Variants in SOBP observed in about 807,000 individuals in gnomAD.
SOBP encodes the protein sine oculis binding protein homolog, also known as sine oculis-binding protein homolog.
SOBP carries 4 observed loss-of-function variants against 53.6 expected under a neutral mutation model. That is an observed-to-expected ratio of 0.07 (90% CI 0.04 to 0.17). SOBP has a LOEUF of 0.17. Ranked by LOEUF, SOBP falls within the 10% of genes least tolerant of loss-of-function variation. The pLI is 1.00. For synonymous variants in SOBP, 584 were observed against 522.6 expected, an observed-to-expected ratio of 1.12 and a Z score of -1.60; for missense variants, 1,088 against 1,204.7, an observed-to-expected ratio of 0.90 and a Z score of 1.43.
At chr6:107,552,227 T>C (rs900102787) in intron 4 of SOBP, among the ~76,000 whole-genome samples, 2 of 152,220 alleles carry the variant, frequency 1.3e-5, no homozygotes, top group Non-Finnish European at 2.9e-5. Context: ...TATGCTCAAC[T>C]TTCATTGTGG....
At chr6:107,582,646 T>G (rs944072115) in intron 4 of SOBP, among the ~76,000 whole-genome samples, 1 of 152,044 alleles carries the variant, frequency 6.6e-6, no homozygotes, top group Non-Finnish European at 1.5e-5. Flanking sequence ...AAAAAAATAG[T>G]CTCCCATTTG....
rs1449934126 is a variant in SOBP, at chr6:107,554,681, T to C, written c.573+21071T>C. Among the ~76,000 whole-genome samples, 5 of 152,204 alleles carry C rather than the reference T, an allele frequency of 3.3e-5. No individual in the cohort carries two copies. The East Asian group carries it at 9.6e-4, about 29-fold the overall frequency. On this transcript the variant is annotated intron_variant, in intron 4 of 6. Transcript: ENST00000317357. Reference sequence around the variant, plus strand: ...CACAAAGGACACAGAGTGGGTTTGGTGGGTCATTGTGGCATTTGTCAAGGA... The same window carrying C: ...CACAAAGGACACAGAGTGGGTTTGGCGGGTCATTGTGGCATTTGTCAAGGA...
chr6:107,580,570 C>T (rs1030339743), intron 4 of SOBP, among the ~76,000 whole-genome samples: 2 of 152,140 alleles, frequency 1.3e-5, no homozygotes, highest in African/African-American at 4.8e-5. Context: ...CTCAGACAGA[C>T]CTGGGACTCT....
chr6:107,630,811 AACTGTC>A (rs1770685600), intron 5 of SOBP, among the ~76,000 whole-genome samples: 1 of 151,118 alleles, frequency 6.6e-6, no homozygotes, highest in African/African-American at 2.4e-5. Flanking sequence ...GATAGTCATG[AACTGTC>A]ACACTACTAC....
At chr6:107,512,648 A>G (rs1261185495) in intron 3 of SOBP, among the ~76,000 whole-genome samples, 2 of 152,240 alleles carry the variant, frequency 1.3e-5, no homozygotes, top group Admixed American at 6.5e-5. Flanking sequence ...TAGCCAGGGT[A>G]GACCCTGGCC....
chr6:107,526,780 GTC>G (rs1184238896), intron 3 of SOBP, among the ~76,000 whole-genome samples: 1 of 152,164 alleles, frequency 6.6e-6, no homozygotes, highest in Non-Finnish European at 1.5e-5. Context: ...TAATTTTAAA[GTC>G]TGTCATTTTT....
chr6:107,598,629 C>T (rs1786037359), intron 5 of SOBP, among the ~76,000 whole-genome samples: 1 of 152,078 alleles, frequency 6.6e-6, no homozygotes, highest in South Asian at 2.1e-4. Flanking sequence ...CTGTTAGGTA[C>T]CTGAGCCAGG....
chr6:107,581,253 T>G (rs1440093715), intron 4 of SOBP, among the ~76,000 whole-genome samples: 1 of 152,164 alleles, frequency 6.6e-6, no homozygotes, highest in Non-Finnish European at 1.5e-5. Flanking sequence ...ACTGATGGCT[T>G]CCTAAAGGAG....
chr6:107,642,001 A>G (rs1272874237), intron 6 of SOBP, among the ~76,000 whole-genome samples: 6 of 152,206 alleles, frequency 3.9e-5, no homozygotes, highest in Admixed American at 1.3e-4. Context: ...AGCACTTTCT[A>G]TGTGGATGGA....
At chr6:107,501,535 A>G (rs1476729554) in intron 1 of SOBP, among the ~76,000 whole-genome samples, 1 of 152,260 alleles carries the variant, frequency 6.6e-6, no homozygotes, top group Admixed American at 6.5e-5. Context: ...AGATTGGGGC[A>G]GATGGCACAC....
intron 4 of SOBP, among the ~76,000 whole-genome samples, chr6:107,584,557 G>C (rs1270321762): frequency 6.6e-6 from 1 of 152,168 alleles, no homozygotes; most frequent in Non-Finnish European, 1.5e-5. Flanking sequence ...GGACTCTGGA[G>C]TCAGGGTGGG....
chr6:107,647,221 C>T (rs1771597050), intron 6 of SOBP, among the ~76,000 whole-genome samples: 1 of 151,956 alleles, frequency 6.6e-6, no homozygotes, highest in African/African-American at 2.4e-5. Flanking sequence ...TGCTACATAC[C>T]AACAATGCAT....
intron 5 of SOBP, among the ~76,000 whole-genome samples, chr6:107,618,169 G>C (rs73762287): frequency 0.041 from 6,171 of 152,160 alleles, 303 homozygotes; most frequent in East Asian, 0.14. Context: ...GCCCTTTTTA[G>C]TCAAATTAAT....
At chr6:107,559,067 A>G (rs972384634) in intron 4 of SOBP, among the ~76,000 whole-genome samples, 2 of 152,180 alleles carry the variant, frequency 1.3e-5, no homozygotes, top group Non-Finnish European at 1.5e-5. Flanking sequence ...AAATTTCTTG[A>G]TAAGTATTTG....
intron 4 of SOBP, among the ~76,000 whole-genome samples, chr6:107,539,715 C>T (rs1784099915): frequency 6.6e-6 from 1 of 152,192 alleles, no homozygotes. Context: ...AACAAATGAT[C>T]AGGAAGGGAT....
chr6:107,617,535 G>A (rs976329370), intron 5 of SOBP, among the ~76,000 whole-genome samples: 4 of 152,150 alleles, frequency 2.6e-5, no homozygotes, highest in Admixed American at 6.5e-5. Flanking sequence ...CGTTTACTGC[G>A]TATCAAGCTG....
intron 6 of SOBP, among the ~76,000 whole-genome samples, chr6:107,642,162 T>C (rs902904919): frequency 6.6e-6 from 1 of 152,076 alleles, no homozygotes; most frequent in Non-Finnish European, 1.5e-5. Context: ...CTCAAGGAAA[T>C]GGGGTAAATG....
At chr6:107,651,590 C>G (rs981216630) in intron 6 of SOBP, among the ~76,000 whole-genome samples, 2 of 152,188 alleles carry the variant, frequency 1.3e-5, no homozygotes, top group African/African-American at 4.8e-5. Flanking sequence ...GCAAACTACC[C>G]AGAAGATCTA....
At chr6:107,556,183 G>A (rs1784604753) in intron 4 of SOBP, among the ~76,000 whole-genome samples, 1 of 152,146 alleles carries the variant, frequency 6.6e-6, no homozygotes, top group Non-Finnish European at 1.5e-5. Flanking sequence ...TGTTATAAAG[G>A]GCACAGGCAG....
Sources: allele counts gnomAD v4.1 joint callset (sites outside exome capture counted in the v4.1 genomes callset), GRCh38; gene constraint gnomAD v4.1.1; transcripts MANE v1.5; gene names NCBI Gene and HGNC (gene_info 2026-07-23, HGNC 2026-07-21).